CNTN5: variants seen among roughly 807,000 people sequenced by gnomAD.
The protein encoded by CNTN5 is contactin 5.
CNTN5 carries 77 observed loss-of-function variants against 129.1 expected under a neutral mutation model. The observed-to-expected ratio is 0.60, with a 90% CI of 0.50 to 0.72. The LOEUF (loss-of-function observed/expected upper bound fraction) is 0.72. Among genes scored for constraint, CNTN5 ranks in the 30% least tolerant of loss-of-function variants. The probability of loss-of-function intolerance (pLI) is 0.00; values close to 1 mark genes in which losing one functional copy is unlikely to be tolerated. For missense variants in CNTN5, 1,478 were observed against 1,328.8 expected (o/e 1.11, Z -1.75); for synonymous variants, 509 against 465.6 (o/e 1.09, Z -1.20).
chr11:100,333,077 A>G (rs1164538164), intron 21 of CNTN5, among the ~76,000 whole-genome samples: 1 of 152,218 alleles, frequency 6.6e-6, no homozygotes, highest in Non-Finnish European at 1.5e-5. Context: ...TGAATTCATC[A>G]TAGTTTCAGG....
chr11:99,874,291 G>T (rs975137343), intron 6 of CNTN5, among the ~76,000 whole-genome samples: 1 of 152,110 alleles, frequency 6.6e-6, no homozygotes, highest in African/African-American at 2.4e-5. Context: ...CTCATCTGTT[G>T]AAAACTTAAG....
At chr11:100,322,342 C>T (rs1951712418) in intron 21 of CNTN5, among the ~76,000 whole-genome samples, 2 of 152,062 alleles carry the variant, frequency 1.3e-5, no homozygotes, top group South Asian at 4.1e-4. Context: ...CCTGCCTCAG[C>T]CTCCCGAATA....
At chr11:99,185,343 A>G (rs1413907884) in intron 1 of CNTN5, among the ~76,000 whole-genome samples, 1 of 151,806 alleles carries the variant, frequency 6.6e-6, no homozygotes, top group Admixed American at 6.6e-5. Flanking sequence ...GTGGGAGTGG[A>G]TCACAAAAAC....
intron 1 of CNTN5, among the ~76,000 whole-genome samples, chr11:99,163,787 T>C (rs1457685016): frequency 6.6e-6 from 1 of 152,216 alleles, no homozygotes; most frequent in Non-Finnish European, 1.5e-5. Flanking sequence ...ATGTCACATT[T>C]AACCTCAGCC....
At chr11:99,430,998 G>GT (rs11292397) in intron 2 of CNTN5, among the ~76,000 whole-genome samples, 4,026 of 139,404 alleles carry the variant, frequency 0.029, 79 homozygotes, top group Middle Eastern at 0.05. Context: ...TTTCCTGGCT[G>GT]TTTTTTTTTT....
intron 3 of CNTN5, among the ~76,000 whole-genome samples, chr11:99,577,465 T>C (rs985805880): frequency 3.3e-5 from 5 of 152,210 alleles, no homozygotes; most frequent in African/African-American, 1.2e-4. Flanking sequence ...TAGATGTTTT[T>C]ACTAGATTAA....
chr11:99,712,453 C>A (rs1955032276), intron 3 of CNTN5, among the ~76,000 whole-genome samples: 1 of 152,130 alleles, frequency 6.6e-6, no homozygotes, highest in Non-Finnish European at 1.5e-5. Context: ...CTGATAGTTT[C>A]TTTTGCTGTG....
intron 6 of CNTN5, among the ~76,000 whole-genome samples, chr11:99,899,630 T>G (rs1272775335): frequency 6.6e-6 from 1 of 152,048 alleles, no homozygotes; most frequent in Non-Finnish European, 1.5e-5. Context: ...AGTTTGCTAG[T>G]GTTTTGTTGA....
intron 3 of CNTN5, among the ~76,000 whole-genome samples, chr11:99,651,590 T>G (rs1481237355): frequency 6.6e-6 from 1 of 152,016 alleles, no homozygotes; most frequent in Non-Finnish European, 1.5e-5. Flanking sequence ...ATATTTTGTT[T>G]TATTTTTATC....
intron 2 of CNTN5, among the ~76,000 whole-genome samples, chr11:99,489,741 T>A (rs1356891592): frequency 6.6e-6 from 1 of 152,094 alleles, no homozygotes; most frequent in Non-Finnish European, 1.5e-5. Context: ...ATAGAAAGAA[T>A]TCAGGAAAGT....
chr11:99,504,402 A>G (rs564420562), intron 2 of CNTN5, among the ~76,000 whole-genome samples: 25 of 151,996 alleles, frequency 1.6e-4, no homozygotes, highest in African/African-American at 5.3e-4. Context: ...TTAGCCGGGC[A>G]TAGTGGCACA....
chr11:100,039,527 T>G (rs534922665), intron 9 of CNTN5, among the ~76,000 whole-genome samples: 5 of 152,216 alleles, frequency 3.3e-5, no homozygotes, highest in Non-Finnish European at 7.3e-5. Flanking sequence ...CCTTGCTAGA[T>G]TGGGGAAGTT....
chr11:99,588,217 G>T (rs1487999012), intron 3 of CNTN5, among the ~76,000 whole-genome samples: 1 of 151,922 alleles, frequency 6.6e-6, no homozygotes, highest in Admixed American at 6.6e-5. Context: ...ATTGGCGGAC[G>T]CCTATAGTCC....
intron 2 of CNTN5, among the ~76,000 whole-genome samples, chr11:99,528,164 G>A (rs1318960804): frequency 1.3e-5 from 2 of 151,680 alleles, no homozygotes; most frequent in African/African-American, 4.8e-5. Flanking sequence ...CTATAATGCT[G>A]GAAAAAATAA....
At chr11:99,864,338 TTCCTGCCACTCACTCTCTGCTATCG>T (rs1363353191) in intron 6 of CNTN5, among the ~76,000 whole-genome samples, 6 of 152,206 alleles carry the variant, frequency 3.9e-5, no homozygotes, top group East Asian at 3.9e-4. Context: ...GTGCCTTCTC[TTCCTGCCACTCACTCTCTGCTATCG>T]TCCTGCCACT....
At chr11:99,641,334 TGAAACAATAGGAAAAG>T in intron 3 of CNTN5, among the ~76,000 whole-genome samples, 1 of 152,100 alleles carries the variant, frequency 6.6e-6, no homozygotes, top group South Asian at 2.1e-4. Flanking sequence ...ATAATAATAA[TGAAACAATAGGAAAAG>T]CAACCTGGAA....
At chr11:99,897,260 T>C (rs1949230845) in intron 6 of CNTN5, among the ~76,000 whole-genome samples, 1 of 152,060 alleles carries the variant, frequency 6.6e-6, no homozygotes, top group Non-Finnish European at 1.5e-5. Flanking sequence ...TAAAAAATAT[T>C]GCTAGAGGTA....
intron 1 of CNTN5, among the ~76,000 whole-genome samples, chr11:99,124,618 G>A (rs1480940050): frequency 6.6e-6 from 1 of 151,920 alleles, no homozygotes; most frequent in East Asian, 1.9e-4. Context: ...ACCAAAATCA[G>A]AGCTAAACTG....
intron 1 of CNTN5, among the ~76,000 whole-genome samples, chr11:99,060,619 T>C (rs1864835264): frequency 6.6e-6 from 1 of 151,874 alleles, no homozygotes; most frequent in Non-Finnish European, 1.5e-5. Flanking sequence ...TTTTTCATTA[T>C]AGAGAAGCTA....
Sources: allele counts gnomAD v4.1 joint callset (sites outside exome capture counted in the v4.1 genomes callset), GRCh38; gene constraint gnomAD v4.1.1; transcripts MANE v1.5; gene names NCBI Gene and HGNC (gene_info 2026-07-23, HGNC 2026-07-21).